VWA8: variants seen among roughly 807,000 people sequenced by gnomAD.
The protein encoded by VWA8 is von Willebrand factor A domain-containing protein 8.
A neutral mutation model predicts 241.5 loss-of-function variants in VWA8; 221 were observed. The observed-to-expected ratio is 0.91, with a 90% CI of 0.82 to 1.02. The LOEUF (loss-of-function observed/expected upper bound fraction) is 1.02, where lower values mean the gene tolerates loss of function less well. VWA8 is among the 50% of genes least tolerant of loss of function. VWA8 has a pLI of 0.00. For missense variants in VWA8, 2,322 were observed against 2,328.7 expected, an observed-to-expected ratio of 1.00 and a Z score of 0.06; for synonymous variants, 852 against 827.1, an observed-to-expected ratio of 1.03 and a Z score of -0.52.
chr13:41,884,368 A>G (rs1193178498), intron 8 of VWA8, among the ~76,000 whole-genome samples: 1 of 132,030 alleles, frequency 7.6e-6, no homozygotes, highest in African/African-American at 3.1e-5. Flanking sequence ...CTCTCCTGCC[A>G]CCATGTGAAG....
chr13:41,854,507 T>C (rs1020810135), intron 12 of VWA8, among the ~76,000 whole-genome samples: 2 of 150,066 alleles, frequency 1.3e-5, no homozygotes, highest in African/African-American at 2.4e-5. Flanking sequence ...TTATTTTATA[T>C]ATATTTTCCT....
chr13:41,892,130 T>C (rs1874875487), intron 4 of VWA8, among the ~76,000 whole-genome samples: 1 of 152,182 alleles, frequency 6.6e-6, no homozygotes, highest in Non-Finnish European at 1.5e-5. Flanking sequence ...AGATTTTACA[T>C]TGGCCAATAG....
intron 35 of VWA8, among the ~76,000 whole-genome samples, chr13:41,680,953 G>C (rs2045094438): frequency 6.6e-6 from 1 of 152,258 alleles, no homozygotes; most frequent in Non-Finnish European, 1.5e-5. Flanking sequence ...CTGAACTGTA[G>C]TCAGGCTCTT....
intron 17 of VWA8, among the ~76,000 whole-genome samples, chr13:41,803,380 C>A (rs1870044800): frequency 6.6e-6 from 1 of 152,076 alleles, no homozygotes; most frequent in Non-Finnish European, 1.5e-5. Flanking sequence ...CTGTATTAGT[C>A]CATTTTCACA....
At chr13:41,569,554 T>C (rs920593210) in intron 44 of VWA8, among the ~76,000 whole-genome samples, 1 of 152,048 alleles carries the variant, frequency 6.6e-6, no homozygotes, top group African/African-American at 2.4e-5. Flanking sequence ...GCTGCTAGCA[T>C]TTTGGATATT....
chr13:41,604,623 G>C (rs1445791427), intron 40 of VWA8, among the ~76,000 whole-genome samples: 1 of 152,088 alleles, frequency 6.6e-6, no homozygotes, highest in Admixed American at 6.6e-5. Context: ...TCATGGAAAA[G>C]AAACACAAGA....
intron 40 of VWA8, among the ~76,000 whole-genome samples, chr13:41,591,390 TAAAG>T (rs1334130846): frequency 1.3e-5 from 2 of 152,220 alleles, no homozygotes; most frequent in Admixed American, 1.3e-4. Context: ...AGTAAAATGA[TAAAG>T]AATTATAGTA....
chr13:41,750,365 G>A (rs1402956413), intron 21 of VWA8, among the ~76,000 whole-genome samples: 1 of 151,654 alleles, frequency 6.6e-6, no homozygotes, highest in Non-Finnish European at 1.5e-5. Flanking sequence ...CCCGGGAGGT[G>A]GAAGATGCAG....
chr13:41,943,756 T>A (rs1312949199), intron 2 of VWA8, among the ~76,000 whole-genome samples: 1 of 152,042 alleles, frequency 6.6e-6, no homozygotes, highest in Non-Finnish European at 1.5e-5. Context: ...AAAGGGCCAA[T>A]AAGCACAGAA....
chr13:41,609,548 A>ATGTTCC (rs2044574169), intron 39 of VWA8, among the ~76,000 whole-genome samples: 1 of 152,142 alleles, frequency 6.6e-6, no homozygotes, highest in Non-Finnish European at 1.5e-5. Context: ...CATTCATTAT[A>ATGTTCC]TGTTCCTCTC....
In VWA8 at chr13:41,886,016, G is replaced by A; in HGVS notation, c.879C>T (p.Leu293=). 6.3e-7 allele frequency: 1 copy of A among 1,593,568 alleles called. No individual in the cohort carries two copies. The highest frequency in any genetic ancestry group is 8.5e-7 in the Non-Finnish European group (1 of 1,173,748). Residue 293 remains leucine, a synonymous_variant, in exon 8 of 45, where the codon CTC becomes CTT. Coordinates refer to ENST00000379310, the MANE Select transcript of VWA8 (RefSeq NM_015058.2). Reference sequence around the variant, plus strand: ...AACACAGAGTTGTGGCAAAGGACAAGAGCTGAGAAACTCTAAGGGAAAAAT... The same window carrying A: ...AACACAGAGTTGTGGCAAAGGACAAAAGCTGAGAAACTCTAAGGGAAAAAT... The part of the protein sequence containing the change: ...ANVSAEKVSQ[L]LSFATTLCSQ...
At position 41,887,306 on chromosome 13, in the gene VWA8, A is replaced by C; in HGVS notation, c.707T>G (p.Phe236Cys). 6.2e-7 allele frequency: 1 copy of C among 1,613,714 alleles called. No individual in the cohort carries two copies. Among genetic ancestry groups the C allele is most frequent in the Non-Finnish European group, 8.5e-7 (1 of 1,179,888 alleles). Reference sequence around the variant, plus strand: ...TGGCAAGCCCAAGGCAATCACTCGGAAATTTTCACTAACTCGGACAATTTT... The same window carrying C: ...TGGCAAGCCCAAGGCAATCACTCGGCAATTTTCACTAACTCGGACAATTTT... The part of the protein sequence containing the change: ...SWKIVRVSEN[F>C]RVIALGLPVP... Residue 236 changes from phenylalanine to cysteine, a missense_variant, in exon 6 of 45, where the codon TTC becomes TGC. Physicochemically the swap from Phe to Cys is radical, Grantham distance 205 (BLOSUM62 -2). Coordinates refer to ENST00000379310, the MANE Select transcript of VWA8 (RefSeq NM_015058.2).
chr13:41,682,193 T>C (rs974764947), intron 35 of VWA8, among the ~76,000 whole-genome samples: 12 of 152,018 alleles, frequency 7.9e-5, no homozygotes, highest in African/African-American at 2.9e-4. Flanking sequence ...TGGAACACAA[T>C]AGAGAATCCA....
At chr13:41,892,213 ATAAAG>A (rs1874879386) in intron 4 of VWA8, among the ~76,000 whole-genome samples, 2 of 152,232 alleles carry the variant, frequency 1.3e-5, no homozygotes, top group South Asian at 2.1e-4. Flanking sequence ...AAATTAGGAA[ATAAAG>A]TAAACTGTAA....
chr13:41,738,210 C>A (rs1344371290), intron 21 of VWA8, among the ~76,000 whole-genome samples: 1 of 152,146 alleles, frequency 6.6e-6, no homozygotes, highest in Non-Finnish European at 1.5e-5. Flanking sequence ...GACTCTATAT[C>A]TTAAAATAGT....
chr13:41,614,989 C>T lies in VWA8; in HGVS notation c.4707G>A (p.Trp1569Ter), dbSNP rs968315282. The T allele has an allele frequency of 3.1e-6, 5 of 1,613,196 alleles. No individual in the cohort carries two copies. The highest frequency in any genetic ancestry group is 1.3e-5 in the African/African-American group (1 of 74,846). ...TGTGCTACCAACCTGTTCCGCCAGCCCAAGTGTTGCCGCCCACGTGAGGCA... is the reference window on the plus strand; with the variant it reads ...TGTGCTACCAACCTGTTCCGCCAGCTCAAGTGTTGCCGCCCACGTGAGGCA... ...DNMPHVGGNT[W>*]AGGTGGRDTA... is the part of the protein sequence containing the mutation. Residue 1569 changes from tryptophan to a stop codon, truncating the protein, a stop_gained, in exon 38 of 45, where the codon TGG becomes TGA. Transcript: ENST00000379310. LOFTEE classifies it high-confidence loss of function.
intron 29 of VWA8, among the ~76,000 whole-genome samples, chr13:41,698,832 G>GT (rs2045231176): frequency 6.6e-6 from 1 of 152,082 alleles, no homozygotes. Context: ...TGTCAATAGT[G>GT]TCGAGGTTGA....
chr13:41,742,762 C>T (rs979717368), intron 21 of VWA8, among the ~76,000 whole-genome samples: 7 of 152,154 alleles, frequency 4.6e-5, no homozygotes, highest in Admixed American at 4.6e-4. Flanking sequence ...TGAAAAAGAA[C>T]TCACAAACAC....
chr13:41,819,197 T>A (rs757802400), intron 15 of VWA8, 21 bp downstream of exon 15: 1 of 1,585,716 alleles, frequency 6.3e-7, no homozygotes, highest in Non-Finnish European at 8.5e-7. Context: ...GAAAATAGAC[T>A]AAGATTGGCT....
Sources: allele counts gnomAD v4.1 joint callset (sites outside exome capture counted in the v4.1 genomes callset), GRCh38; gene constraint gnomAD v4.1.1; transcripts MANE v1.5; gene names NCBI Gene and HGNC (gene_info 2026-07-23, HGNC 2026-07-21).